Variants in MYLK observed in about 807,000 individuals in gnomAD.
MYLK encodes the protein myosin light chain kinase.
MYLK carries 106 observed loss-of-function variants against 203.4 expected under a neutral mutation model. That is an observed-to-expected ratio of 0.52 (90% confidence interval 0.45 to 0.61). The LOEUF (loss-of-function observed/expected upper bound fraction) is 0.61, where lower values mean the gene tolerates loss of function less well. MYLK is among the 20% of genes least tolerant of loss of function. The probability of loss-of-function intolerance (pLI) is 0.00; values close to 1 mark genes in which losing one functional copy is unlikely to be tolerated. For synonymous variants in MYLK, 867 were observed against 959.5 expected, an observed-to-expected ratio of 0.90 and a Z score of 1.78; for missense variants, 2,072 against 2,442.3, an observed-to-expected ratio of 0.85 and a Z score of 3.20.
intron 12 of MYLK, among the ~76,000 whole-genome samples, chr3:123,723,110 G>A (rs1391333167): frequency 6.6e-6 from 1 of 152,200 alleles, no homozygotes; most frequent in Admixed American, 6.5e-5. Flanking sequence ...CCTCGGAGCA[G>A]GAATGTGTCC....
chr3:123,652,165 G>A (rs1251935907), intron 24 of MYLK, among the ~76,000 whole-genome samples: 2 of 152,268 alleles, frequency 1.3e-5, no homozygotes, highest in East Asian at 3.9e-4. Flanking sequence ...TGACCACAAG[G>A]GGAGGAGTGA....
At chr3:123,638,038 G>A (rs766568065) in intron 29 of MYLK, 33 bp downstream of exon 29, 12 of 1,612,688 alleles carry the variant, frequency 7.4e-6, no homozygotes, top group Non-Finnish European at 1.0e-5. Context: ...CCACCAAGTG[G>A]TCCACCAGTC....
chr3:123,750,798 A>G lies in MYLK; in HGVS notation c.373+1533T>C, dbSNP rs184094581. ...GGAAAGCACAGCACCAGGATGGCAG[A>G]GCTGAGGTCCATCCTGAGGTTCTGA... On this transcript the variant is annotated intron_variant, in intron 5 of 33. Coordinates refer to ENST00000360304, the MANE Select transcript of MYLK (RefSeq NM_053025.4). 5.1e-3 allele frequency among the ~76,000 whole-genome samples: 771 copies of G among 152,296 alleles called. 6 individuals are homozygous for G. Among genetic ancestry groups the G allele is most frequent in the Non-Finnish European group, 9.0e-3 (611 of 68,020 alleles).
At chr3:123,737,083 G>A (rs1406695774) in intron 8 of MYLK, among the ~76,000 whole-genome samples, 6 of 152,144 alleles carry the variant, frequency 3.9e-5, no homozygotes, top group Non-Finnish European at 5.9e-5. Context: ...GCCGGGCGTG[G>A]TGGTGTGTGC....
At chr3:123,653,808 C>T (rs1333833838) in intron 24 of MYLK, among the ~76,000 whole-genome samples, 16 of 152,222 alleles carry the variant, frequency 1.1e-4, no homozygotes, top group Admixed American at 9.8e-4. Flanking sequence ...TCCCTCTTTA[C>T]ACCATAGCAC....
chr3:123,723,849 C>T (rs2108747744), intron 12 of MYLK, among the ~76,000 whole-genome samples: 1 of 152,298 alleles, frequency 6.6e-6, no homozygotes, highest in Middle Eastern at 3.4e-3. Context: ...GGGCAGAATG[C>T]TAATTGCAGC....
At chr3:123,683,534 T>G (rs2060342982) in intron 19 of MYLK, among the ~76,000 whole-genome samples, 1 of 152,150 alleles carries the variant, frequency 6.6e-6, no homozygotes, top group Non-Finnish European at 1.5e-5. Flanking sequence ...TGGGAGGCAT[T>G]TAGGCCCCTC....
In MYLK at chr3:123,700,523, C is replaced by T. The variant is rs1464293384; in HGVS notation, c.2945G>A (p.Arg982His). 1.3e-5 allele frequency: 21 copies of T among 1,613,146 alleles called. No homozygotes were observed. The highest frequency in any genetic ancestry group is 1.7e-5 in the Admixed American group (1 of 59,994). ...PPPKPATPDF[R>H]SVLGGKKKLP... ...TTTCTTCTTGCCACCCAGCACTGAG[C>T]GAAAATCCGGGGTGGCAGGTTTTGG... is the stretch of plus-strand genomic sequence containing the variant. The change falls in exon 18 of 34, where the codon CGC becomes CAC. Residue 982 changes from arginine to histidine, a missense_variant. Coordinates refer to ENST00000360304, the MANE Select transcript of MYLK (RefSeq NM_053025.4).
Position 123,649,054 on chromosome 3 carries a change from C to T in MYLK, c.4332G>A (p.Glu1444=), listed in dbSNP as rs139884214. The T allele has an allele frequency of 8.3e-5, 134 of 1,614,092 alleles. No homozygotes were observed. Among genetic ancestry groups the T allele is most frequent in the Non-Finnish European group, 1.1e-4 (125 of 1,180,044 alleles). The change falls in exon 26 of 34, where the codon GAG becomes GAA. Residue 1444 remains glutamate, a synonymous_variant. Coordinates refer to ENST00000360304, the MANE Select transcript of MYLK (RefSeq NM_053025.4). ...TCACTGTCCGGTAATCAACCTCGGGCTCCTTCTCATCTGTGGGGCACAGGT... is the reference window on the plus strand; with the variant it reads ...TCACTGTCCGGTAATCAACCTCGGGTTCCTTCTCATCTGTGGGGCACAGGT... ...EVEVSDDDEK[E]PEVDYRTVTI...
chr3:123,834,780 C>T (rs2066433378), intron 2 of MYLK, among the ~76,000 whole-genome samples: 4 of 152,130 alleles, frequency 2.6e-5, no homozygotes, highest in Admixed American at 2.6e-4. Context: ...TCTTCTAGTG[C>T]CTGCTCTAAA....
At chr3:123,704,561 C>G (rs2061376096) in intron 16 of MYLK, among the ~76,000 whole-genome samples, 1 of 152,114 alleles carries the variant, frequency 6.6e-6, no homozygotes, top group African/African-American at 2.4e-5. Flanking sequence ...CTGTCCCACC[C>G]TGAATCATCT....
At chr3:123,833,714 A>G (rs1170821829) in intron 2 of MYLK, among the ~76,000 whole-genome samples, 1 of 152,236 alleles carries the variant, frequency 6.6e-6, no homozygotes, top group Non-Finnish European at 1.5e-5. Context: ...TGTAAAAATT[A>G]AAACTATATA....
At chr3:123,800,371 T>C (rs2065152849) in intron 3 of MYLK, among the ~76,000 whole-genome samples, 1 of 152,096 alleles carries the variant, frequency 6.6e-6, no homozygotes, top group South Asian at 2.1e-4. Flanking sequence ...TCATAAGATA[T>C]TTCCTCCTGA....
In MYLK at chr3:123,636,422, C is replaced by T. The variant is rs942890150; in HGVS notation, c.4961+1649G>A. On this transcript the variant is annotated intron_variant, in intron 29 of 33. Transcript: ENST00000360304. ...GTAGCTGCAGAAGATCCTGATGCCA[C>T]GGCAGTGGGAAAACCCACTGAAGAA... Among the ~76,000 whole-genome samples, 8 of 152,340 alleles carry T rather than the reference C, an allele frequency of 5.3e-5. No individual in the cohort carries two copies. The South Asian group carries it at 8.3e-4, about 16-fold the overall frequency.
At chr3:123,706,528 G>A (rs1199354267) in intron 16 of MYLK, among the ~76,000 whole-genome samples, 1 of 152,130 alleles carries the variant, frequency 6.6e-6, no homozygotes, top group Non-Finnish European at 1.5e-5. Context: ...TTGTAGGTTA[G>A]GTGCAAACAA....
Position 123,627,706 on chromosome 3 carries a change from C to T in MYLK, c.5115-765G>A, listed in dbSNP as rs574420543. ...TTAAATTTTATTATATTCTTCAAAT[C>T]CTCTATAATTTTCATGCATTATTTT... On this transcript the variant is annotated intron_variant, in intron 30 of 33. Transcript: ENST00000360304. Among the ~76,000 whole-genome samples the T allele has an allele frequency of 1.8e-4, 28 of 152,108 alleles. No homozygotes were observed. The South Asian group carries it at 5.6e-3, about 31-fold the overall frequency.
intron 3 of MYLK, among the ~76,000 whole-genome samples, chr3:123,826,751 C>T (rs2066135240): frequency 6.6e-6 from 1 of 152,224 alleles, no homozygotes; most frequent in African/African-American, 2.4e-5. Flanking sequence ...AGCAAAGCTG[C>T]ACCACTGTCA....
chr3:123,615,085 G>A (rs2057400886), intron 33 of MYLK, among the ~76,000 whole-genome samples: 2 of 150,850 alleles, frequency 1.3e-5, no homozygotes, highest in Admixed American at 1.3e-4. Flanking sequence ...AAAGTGCTGG[G>A]ATTACAGGTG....
At chr3:123,620,148 G>A in intron 32 of MYLK, 59 bp downstream of exon 32, 2 of 1,415,220 alleles carry the variant, frequency 1.4e-6, no homozygotes, top group Middle Eastern at 1.8e-4. Context: ...ACCTCAAAAT[G>A]CCCCTTTGTT....
Sources: allele counts gnomAD v4.1 joint callset (sites outside exome capture counted in the v4.1 genomes callset), GRCh38; gene constraint gnomAD v4.1.1; transcripts MANE v1.5; gene names NCBI Gene and HGNC (gene_info 2026-07-23, HGNC 2026-07-21).